Variants in COP1 observed in about 807,000 individuals in gnomAD.
The protein encoded by COP1 is COP1 E3 ubiquitin ligase.
A neutral mutation model predicts 101.3 loss-of-function variants in COP1; 24 were observed. The ratio of observed to expected loss-of-function variants is 0.24; its 90% CI spans 0.17 to 0.33. COP1 has a LOEUF of 0.33. Ranked by LOEUF, COP1 falls within the 10% of genes least tolerant of loss-of-function variation. The pLI is 1.00. For synonymous variants in COP1, 347 were observed against 341.9 expected (o/e 1.01, Z -0.17); for missense variants, 663 against 906.2 (o/e 0.73, Z 3.45).
At chr1:176,154,109 A>G (rs1223060314) in intron 5 of COP1, among the ~76,000 whole-genome samples, 1 of 152,152 alleles carries the variant, frequency 6.6e-6, no homozygotes, top group Admixed American at 6.5e-5. Flanking sequence ...GCCTCACAGA[A>G]TACTTAGGGA....
Position 176,030,054 on chromosome 1 carries a change from T to C in COP1, c.1613-2366A>G, listed in dbSNP as rs147331039. On this transcript the variant is annotated intron_variant, in intron 14 of 19. Transcript: ENST00000367669. ...GCAGCCTTGGACTCCTGAATTCAAGTGATCCTCCCATGTCAGCCTCCTGAG... is the reference window on the plus strand; with the variant it reads ...GCAGCCTTGGACTCCTGAATTCAAGCGATCCTCCCATGTCAGCCTCCTGAG... 2.6e-3 allele frequency among the ~76,000 whole-genome samples: 399 copies of C among 152,220 alleles called. 3 individuals are homozygous for C. The highest frequency in any genetic ancestry group is 9.2e-3 in the African/African-American group (381 of 41,548).
intron 6 of COP1, among the ~76,000 whole-genome samples, chr1:176,142,464 T>C (rs897054311): frequency 2.0e-5 from 3 of 152,054 alleles, no homozygotes; most frequent in Non-Finnish European, 4.4e-5. Flanking sequence ...ATGCTATCTA[T>C]AAGAAATTCA....
intron 15 of COP1, among the ~76,000 whole-genome samples, chr1:176,004,622 G>T (rs1313008340): frequency 6.6e-6 from 1 of 152,028 alleles, no homozygotes; most frequent in Non-Finnish European, 1.5e-5. Context: ...TGTGGTTTTT[G>T]TCTTTGGCTC....
intron 9 of COP1, among the ~76,000 whole-genome samples, chr1:176,101,312 T>C (rs1683370411): frequency 3.3e-5 from 5 of 152,154 alleles, no homozygotes; most frequent in African/African-American, 4.8e-5. Context: ...GAAGGGAACC[T>C]GGGGCACCGT....
intron 5 of COP1, among the ~76,000 whole-genome samples, chr1:176,153,035 G>A (rs773338685): frequency 2.0e-5 from 3 of 152,020 alleles, no homozygotes; most frequent in Non-Finnish European, 2.9e-5. Flanking sequence ...CTTCCAAAGC[G>A]TATGTGGACA....
chr1:176,078,189 C>A (rs1678420636), intron 11 of COP1, among the ~76,000 whole-genome samples: 1 of 152,100 alleles, frequency 6.6e-6, no homozygotes, highest in Non-Finnish European at 1.5e-5. Flanking sequence ...ATGGCCAAAG[C>A]AGTCCTAAGC....
intron 6 of COP1, among the ~76,000 whole-genome samples, chr1:176,146,858 T>TA (rs1172702342): frequency 6.6e-6 from 1 of 151,824 alleles, no homozygotes; most frequent in Non-Finnish European, 1.5e-5. Context: ...CTTAATATTC[T>TA]AAGGAGAATC....
intron 15 of COP1, among the ~76,000 whole-genome samples, chr1:175,992,306 CCA>C (rs1039414994): frequency 7.2e-5 from 11 of 152,258 alleles, no homozygotes; most frequent in African/African-American, 2.4e-4. Flanking sequence ...TCTACAGCTC[CCA>C]GAGTGAGCGA....
At chr1:176,000,720 G>A (rs1159566123) in intron 15 of COP1, among the ~76,000 whole-genome samples, 2 of 151,514 alleles carry the variant, frequency 1.3e-5, no homozygotes, top group African/African-American at 4.8e-5. Context: ...ATTTTTACAT[G>A]CAATGTTGCT....
intron 18 of COP1, among the ~76,000 whole-genome samples, chr1:175,947,530 C>T (rs965311790): frequency 6.6e-6 from 1 of 152,046 alleles, no homozygotes; most frequent in African/African-American, 2.4e-5. Flanking sequence ...GCCACCAGCC[C>T]AGGTAATTTT....
intron 1 of COP1, among the ~76,000 whole-genome samples, chr1:176,195,012 G>A (rs998072921): frequency 8.6e-5 from 13 of 151,632 alleles, no homozygotes; most frequent in Admixed American, 8.5e-4. Flanking sequence ...ACTTGAGCTT[G>A]GGAGGTAGAG....
chr1:175,955,043 T>C (rs1329859352), intron 18 of COP1, among the ~76,000 whole-genome samples: 1 of 151,434 alleles, frequency 6.6e-6, no homozygotes, highest in African/African-American at 2.4e-5. Context: ...AGTCCAGGAG[T>C]GTGAGACCAG....
At chr1:175,947,106 A>G in intron 19 of COP1, 89 bp downstream of exon 19, 1 of 903,172 alleles carries the variant, frequency 1.1e-6, no homozygotes, top group Non-Finnish European at 1.8e-6. Context: ...GATGATCTCT[A>G]AGGCTCAGTA....
intron 1 of COP1, among the ~76,000 whole-genome samples, chr1:176,201,863 G>C (rs1398425956): frequency 6.6e-6 from 1 of 152,144 alleles, no homozygotes; most frequent in African/African-American, 2.4e-5. Flanking sequence ...GAAGCATCAA[G>C]TTTGACTTTT....
chr1:176,111,089 T>A lies in COP1; in HGVS notation c.1026+5535A>T, dbSNP rs191244569. Among the ~76,000 whole-genome samples the A allele has an allele frequency of 2.6e-3, 398 of 151,248 alleles. 3 individuals carry two copies. The highest frequency in any genetic ancestry group is 9.2e-3 in the African/African-American group (380 of 41,200). On this transcript the variant is annotated intron_variant, in intron 9 of 19. Coordinates refer to ENST00000367669, the MANE Select transcript of COP1 (RefSeq NM_022457.7). ...ATCACCTGAACCCGGGAGGCGGAGG[T>A]TGCAGTAAGCTGAGATGGCGCCACT... is the stretch of plus-strand genomic sequence containing the variant.
At chr1:175,989,742 G>A (rs1023666719) in intron 15 of COP1, among the ~76,000 whole-genome samples, 2 of 151,988 alleles carry the variant, frequency 1.3e-5, no homozygotes, top group Non-Finnish European at 1.5e-5. Flanking sequence ...TAAACATTAT[G>A]GGACATCTGG....
At position 176,177,031 on chromosome 1, in the gene COP1, G is replaced by A. The variant is rs185794254; in HGVS notation, c.468-1024C>T. ...TATTTAGAAGGGTGTTTAATACAAG[G>A]TTATCTGTAAATAGCAAAATAAAAC... On this transcript the variant is annotated intron_variant, in intron 2 of 19. Coordinates refer to ENST00000367669, the MANE Select transcript of COP1 (RefSeq NM_022457.7). Among the ~76,000 whole-genome samples, 363 of 152,086 alleles carry A rather than the reference G, an allele frequency of 2.4e-3. 2 individuals carry two copies. Among genetic ancestry groups the A allele is most frequent in the African/African-American group, 7.4e-3 (306 of 41,484 alleles).
At chr1:176,120,702 G>A (rs943130023) in intron 8 of COP1, among the ~76,000 whole-genome samples, 3 of 152,094 alleles carry the variant, frequency 2.0e-5, no homozygotes, top group Non-Finnish European at 4.4e-5. Flanking sequence ...AAGCAAAGAC[G>A]TATTTCCTAA....
intron 8 of COP1, among the ~76,000 whole-genome samples, chr1:176,134,348 A>C (rs897931910): frequency 8.5e-5 from 13 of 152,062 alleles, no homozygotes; most frequent in Admixed American, 3.9e-4. Context: ...TCAAAACTCA[A>C]GATTCAGATA....
Sources: allele counts gnomAD v4.1 joint callset (sites outside exome capture counted in the v4.1 genomes callset), GRCh38; gene constraint gnomAD v4.1.1; transcripts MANE v1.5; gene names NCBI Gene and HGNC (gene_info 2026-07-23, HGNC 2026-07-21).